STK32B: variants seen among roughly 807,000 people sequenced by gnomAD.
STK32B encodes the protein serine/threonine kinase 32B, also known as serine/threonine-protein kinase 32B.
In STK32B, 43 loss-of-function variants were observed where a neutral mutation model predicts 52.6. The observed-to-expected ratio is 0.82, with a 90% CI of 0.64 to 1.05. STK32B has a LOEUF of 1.05. Ranked by LOEUF, STK32B falls within the 50% of genes least tolerant of loss-of-function variation. The probability of loss-of-function intolerance (pLI) is 0.00; values close to 1 mark genes in which losing one functional copy is unlikely to be tolerated. For synonymous variants in STK32B, 238 were observed against 204.3 expected (o/e 1.17, Z -1.41); for missense variants, 621 against 534.6 (o/e 1.16, Z -1.59).
intron 1 of STK32B, among the ~76,000 whole-genome samples, chr4:5,074,617 G>A (rs1428107645): frequency 6.6e-6 from 1 of 151,992 alleles, no homozygotes; most frequent in African/African-American, 2.4e-5. Flanking sequence ...CATGTGTAAA[G>A]CACTAAACAC....
At chr4:5,111,551 G>A (rs1438908631) in intron 1 of STK32B, among the ~76,000 whole-genome samples, 2 of 152,046 alleles carry the variant, frequency 1.3e-5, no homozygotes, top group Non-Finnish European at 2.9e-5. Context: ...CTTATAAGTG[G>A]GAGCTAAATG....
At chr4:5,060,451 A>C (rs1742175157) in intron 1 of STK32B, among the ~76,000 whole-genome samples, 1 of 151,950 alleles carries the variant, frequency 6.6e-6, no homozygotes, top group Admixed American at 6.6e-5. Flanking sequence ...TTTTAAATTT[A>C]AAAATAACTT....
chr4:5,229,435 A>G (rs1054370812), intron 3 of STK32B, among the ~76,000 whole-genome samples: 1 of 152,174 alleles, frequency 6.6e-6, no homozygotes, highest in African/African-American at 2.4e-5. Flanking sequence ...ATTAGTATCT[A>G]TGATGCTGGA....
chr4:5,065,904 A>G (rs1470635728), intron 1 of STK32B, among the ~76,000 whole-genome samples: 1 of 152,084 alleles, frequency 6.6e-6, no homozygotes, highest in Non-Finnish European at 1.5e-5. Flanking sequence ...TTGTATTTTT[A>G]GTAGTGACAG....
intron 7 of STK32B, among the ~76,000 whole-genome samples, chr4:5,455,782 C>G (rs1716452196): frequency 1.3e-5 from 2 of 152,120 alleles, no homozygotes; most frequent in South Asian, 4.2e-4. Context: ...TGAGCGTGGT[C>G]AAATTCCCCC....
intron 1 of STK32B, among the ~76,000 whole-genome samples, chr4:5,135,555 A>G (rs1577093213): frequency 6.6e-6 from 1 of 152,222 alleles, no homozygotes; most frequent in African/African-American, 2.4e-5. Context: ...GACCCACTGA[A>G]CAAATAAAAT....
intron 3 of STK32B, among the ~76,000 whole-genome samples, chr4:5,206,761 G>A (rs901986278): frequency 5.9e-5 from 9 of 152,178 alleles, no homozygotes; most frequent in African/African-American, 1.4e-4. Context: ...CTGCACCCAC[G>A]AAGACAAAGA....
In STK32B at chr4:5,159,578, T is replaced by TATATATGA. The variant is rs1553840363; in HGVS notation, c.109-8715_109-8714insGAATATAT. Reference sequence around the variant, plus strand: ...ATATATATGAATGAATATATATGAATATATATATGAATATATATGAATATA... The same window carrying TATATATGA: ...ATATATATGAATGAATATATATGAATATATATGAATATATATGAATATATATGAATATA... On this transcript the variant is annotated intron_variant, in intron 2 of 11. Transcript: ENST00000282908. 3.6e-3 allele frequency among the ~76,000 whole-genome samples: 81 copies of TATATATGA among 22,234 alleles called. 8 individuals are homozygous for TATATATGA. Among genetic ancestry groups the TATATATGA allele is most frequent in the African/African-American group, 0.024 (54 of 2,278 alleles). 14.6% of individuals were successfully genotyped at this position (22,234 alleles called of 152,430 possible).
intron 1 of STK32B, among the ~76,000 whole-genome samples, chr4:5,138,074 T>C (rs7659467): frequency 0.024 from 3,722 of 152,272 alleles, 134 homozygotes; most frequent in African/African-American, 0.085. Flanking sequence ...TTGCTTTTTT[T>C]CCCTCTTCTC....
chr4:5,039,618 T>C, the STK32B span, among the ~76,000 whole-genome samples: 1 of 152,256 alleles, frequency 6.6e-6, no homozygotes. Flanking sequence ...GTATAGTAAG[T>C]ACATAAACTT....
chr4:5,094,253 G>C (rs1713258578), intron 1 of STK32B, among the ~76,000 whole-genome samples: 1 of 152,170 alleles, frequency 6.6e-6, no homozygotes, highest in Non-Finnish European at 1.5e-5. Context: ...GGCCAGCAAA[G>C]AATGGTTTGA....
At chr4:5,069,722 A>G (rs553333900) in intron 1 of STK32B, among the ~76,000 whole-genome samples, 104 of 152,358 alleles carry the variant, frequency 6.8e-4, no homozygotes, top group African/African-American at 2.5e-3. Flanking sequence ...ACAGTCTGGC[A>G]GTAATAAGTA....
upstream of STK32B, among the ~76,000 whole-genome samples, chr4:5,047,857 T>G (rs563401234): frequency 6.6e-5 from 10 of 152,318 alleles, no homozygotes; most frequent in South Asian, 2.1e-3. Context: ...GAAAACAGTC[T>G]TTGCAAATGG....
intron 9 of STK32B, among the ~76,000 whole-genome samples, chr4:5,464,485 AG>A (rs1371611987): frequency 6.6e-6 from 1 of 152,214 alleles, no homozygotes; most frequent in Non-Finnish European, 1.5e-5. Context: ...TCGGAGGGTG[AG>A]GGCCGCGAAG....
chr4:5,019,429 G>A, the STK32B span: 2 of 1,477,056 alleles, frequency 1.4e-6, no homozygotes, highest in South Asian at 2.7e-5. Flanking sequence ...CACGGGCAGA[G>A]GCCCAGGCGT....
intron 4 of STK32B, among the ~76,000 whole-genome samples, chr4:5,335,892 T>C (rs4535280): frequency 1 from 151,446 of 151,668 alleles, 75,615 homozygotes; most frequent in East Asian, 1. Flanking sequence ...GAGAGCTTTA[T>C]TTCCAACTAT....
At chr4:5,358,900 T>A (rs1734358080) in intron 4 of STK32B, among the ~76,000 whole-genome samples, 1 of 152,168 alleles carries the variant, frequency 6.6e-6, no homozygotes, top group Admixed American at 6.5e-5. Flanking sequence ...CACATATACT[T>A]TATGTTTTGC....
chr4:5,124,762 G>C (rs367965745), intron 1 of STK32B, among the ~76,000 whole-genome samples: 6 of 152,310 alleles, frequency 3.9e-5, no homozygotes, highest in East Asian at 1.9e-4. Context: ...ATAGATGCAC[G>C]TGTGTGTTTT....
At chr4:5,226,799 A>G (rs1334501267) in intron 3 of STK32B, among the ~76,000 whole-genome samples, 1 of 152,232 alleles carries the variant, frequency 6.6e-6, no homozygotes, top group Non-Finnish European at 1.5e-5. Context: ...GTGTGTGTGT[A>G]TAGAAAGAAA....
Sources: allele counts gnomAD v4.1 joint callset (sites outside exome capture counted in the v4.1 genomes callset), GRCh38; gene constraint gnomAD v4.1.1; transcripts MANE v1.5; gene names NCBI Gene and HGNC (gene_info 2026-07-23, HGNC 2026-07-21).